DACT3: variants seen among roughly 807,000 people sequenced by gnomAD.
The protein encoded by DACT3 is dapper homolog 3.
DACT3 carries 5 observed loss-of-function variants against 19.6 expected under a neutral mutation model. The ratio of observed to expected loss-of-function variants is 0.26; its 90% CI spans 0.13 to 0.54. DACT3 has a LOEUF of 0.54. DACT3 is among the 20% of genes least tolerant of loss of function. The pLI is 0.95. For synonymous variants in DACT3, 454 were observed against 428.1 expected (o/e 1.06, Z -0.75); for missense variants, 908 against 927.4 (o/e 0.98, Z 0.27).
At chr19:46,652,255 A>G (rs1640415258) in intron 3 of DACT3, 2 of 208,566 alleles carry the variant, frequency 9.6e-6, no homozygotes, top group Non-Finnish European at 1.9e-5. Flanking sequence ...GGGCAGTGGC[A>G]CAATCTTGGC....
In DACT3 at chr19:46,649,501, C is replaced by A; in HGVS notation, c.871G>T (p.Asp291Tyr). 1 of 1,104,390 alleles carries A rather than the reference C, an allele frequency of 9.1e-7. No individual in the cohort carries two copies. The highest frequency in any genetic ancestry group is 4.2e-5 in the South Asian group (1 of 23,632). 68.4% of individuals were successfully genotyped at this position (1,104,390 alleles called of 1,614,324 possible). A position where few individuals can be genotyped will look rare whatever the true frequency, so the allele number is the denominator to read the frequency against. Residue 291 changes from aspartate (D) to tyrosine (Y), a missense_variant, in exon 4 of 4, where the codon GAC becomes TAC. Physicochemically the swap from Asp to Tyr is radical, Grantham distance 160. Transcript: ENST00000391916. ...GCGCTGCCGGGGGACGGAGACGCGT[C>A]GGGCGGCCGCTGGCGCACGCTGTTC... ...RQNSVRQRPP[D>Y]ASPSPGSARP...
intron 1 of DACT3, 119 bp from the exon 2 acceptor site, chr19:46,653,194 G>A: frequency 7.1e-7 from 1 of 1,414,566 alleles, no homozygotes; most frequent in Admixed American, 2.4e-5. Flanking sequence ...CGCTTCAAAG[G>A]ATAAAAGCAG....
chr19:46,651,666 G>A (rs1244384913), intron 3 of DACT3: 2 of 152,472 alleles, frequency 1.3e-5, no homozygotes, highest in Non-Finnish European at 2.9e-5. Context: ...GTGTGTGTGT[G>A]TGTGTGTGTG....
At chr19:46,659,681 C>G (rs554329572) in intron 1 of DACT3, among the ~76,000 whole-genome samples, 1 of 152,176 alleles carries the variant, frequency 6.6e-6, no homozygotes, top group East Asian at 1.9e-4. Flanking sequence ...AGGGGGCGGT[C>G]GAGGTCAGCG....
At chr19:46,655,923 C>CTATA (rs1439197366) in intron 1 of DACT3, among the ~76,000 whole-genome samples, 2 of 109,626 alleles carry the variant, frequency 1.8e-5, no homozygotes, top group South Asian at 2.8e-4. Context: ...CTCTCTCTCT[C>CTATA]TCTATATATA....
chr19:46,651,330 C>T (rs894859973), intron 3 of DACT3: 7 of 152,246 alleles, frequency 4.6e-5, no homozygotes, highest in African/African-American at 1.7e-4. Flanking sequence ...ATCTGCCCGT[C>T]TCGGCCTCCC....
chr19:46,654,399 T>C (rs2053016707), intron 1 of DACT3: 2 of 572,758 alleles, frequency 3.5e-6, no homozygotes, highest in Non-Finnish European at 4.4e-6. Context: ...GGCGGGAGGA[T>C]TGCTTGAGCC....
Position 46,660,819 on chromosome 19 carries a change from C to T in DACT3, c.246G>A (p.Gln82=). The T allele has an allele frequency of 6.7e-7, 1 of 1,502,322 alleles. No individual in the cohort carries two copies. Among genetic ancestry groups the T allele is most frequent in the Non-Finnish European group, 8.8e-7 (1 of 1,131,674 alleles). The allele number at this position is 1,502,322 out of a possible 1,614,324, so 93.1% of individuals were successfully genotyped here. Residue 82 remains glutamine, a synonymous_variant, in exon 1 of 4, where the codon CAG becomes CAA. Coordinates refer to ENST00000391916, the MANE Select transcript of DACT3 (RefSeq NM_145056.3). This position sits in a 1 kb window ranked among gnomAD's most constrained non-coding sequence, Gnocchi z 4.9. ...GGACGGACAGGCAGCCCCTTACCAGCTGCTCCTCCAGGGCCGCTGCGGCCC... is the reference window on the plus strand; with the variant it reads ...GGACGGACAGGCAGCCCCTTACCAGTTGCTCCTCCAGGGCCGCTGCGGCCC... The part of the protein sequence containing the change: ...ARRAAAALEE[Q]LEALPGLVWD...
intron 1 of DACT3, chr19:46,659,194 ACCGCCTCCTC>A: frequency 2.0e-6 from 2 of 984,246 alleles, no homozygotes; most frequent in Non-Finnish European, 2.4e-6. Context: ...CCCGCCTGCC[ACCGCCTCCTC>A]CCTGATGCTG....
At chr19:46,654,972 A>C in intron 1 of DACT3, 2 of 985,364 alleles carry the variant, frequency 2.0e-6, no homozygotes, top group Non-Finnish European at 2.4e-6. Flanking sequence ...CTCACAGTGA[A>C]GTCATCTTTG....
chr19:46,652,574 C>A (rs751565605), intron 3 of DACT3, 86 bp downstream of exon 3: 3 of 1,400,560 alleles, frequency 2.1e-6, no homozygotes. Context: ...GAATTGGAAT[C>A]CAGGCCCGAT....
chr19:46,659,127 G>A (rs1045733654), intron 1 of DACT3: 233 of 985,204 alleles, frequency 2.4e-4, no homozygotes, highest in Non-Finnish European at 2.7e-4. Context: ...GAGGGACCCA[G>A]GAACCCCCAG....
Position 46,660,681 on chromosome 19 carries a change from C to T in DACT3, c.249+135G>A. On this transcript the variant is annotated intron_variant, in intron 1 of 3. Transcript: ENST00000391916. The surrounding 1 kb of genome is among the most constrained non-coding windows in gnomAD (Gnocchi z 4.9). Reference sequence around the variant, plus strand: ...CGGCCCGCCGCCGGAACTCCGGGGTCGCCAGCCCCACCCCCTGTCCTTTCT... The same window carrying T: ...CGGCCCGCCGCCGGAACTCCGGGGTTGCCAGCCCCACCCCCTGTCCTTTCT... 1 of 1,373,978 alleles carries T rather than the reference C, an allele frequency of 7.3e-7. No individual in the cohort carries two copies. Among genetic ancestry groups the T allele is most frequent in the Non-Finnish European group, 9.4e-7 (1 of 1,067,798 alleles). The allele number at this position is 1,373,978 out of a possible 1,614,324, so 85.1% of individuals were successfully genotyped here.
At chr19:46,655,901 G>GTC (rs140521907) in intron 1 of DACT3, among the ~76,000 whole-genome samples, 5,801 of 131,684 alleles carry the variant, frequency 0.044, 416 homozygotes, top group African/African-American at 0.15. Flanking sequence ...GTGAGACCCA[G>GTC]TCTCTCTCTC....
chr19:46,649,892 A>G lies in DACT3; in HGVS notation c.500-20T>C. The G allele has an allele frequency of 1.0e-6, 1 of 963,298 alleles. No individual in the cohort carries two copies. The highest frequency in any genetic ancestry group is 1.4e-6 in the Non-Finnish European group (1 of 735,718). 59.7% of individuals were successfully genotyped at this position (963,298 alleles called of 1,614,324 possible). A position where few individuals can be genotyped will look rare whatever the true frequency, so the allele number is the denominator to read the frequency against. On this transcript the variant is annotated intron_variant, in intron 3 of 3. Coordinates refer to ENST00000391916, the MANE Select transcript of DACT3 (RefSeq NM_145056.3). ...CGTCTCCTAGGGAAGGAAGGCCAAA[A>G]AAAAAAAAAAAAGAGAGAGTGGAGG...
intron 1 of DACT3, among the ~76,000 whole-genome samples, chr19:46,653,454 AG>A (rs1378515879): frequency 1.3e-5 from 2 of 152,144 alleles, no homozygotes; most frequent in African/African-American, 4.8e-5. Context: ...CTGTAAGGAC[AG>A]TTTACTGCTA....
chr19:46,648,749 G>A lies in DACT3; in HGVS notation c.1623C>T (p.Val541=). 2 of 1,579,676 alleles carry A rather than the reference G, an allele frequency of 1.3e-6. No individual in the cohort carries two copies. The highest frequency in any genetic ancestry group is 1.7e-6 in the Non-Finnish European group (2 of 1,168,740). The stretch of plus-strand genomic sequence containing the variant: ...ATTCGCTCTCCCCGTAACCCCCGCC[G>A]ACGCCTCCCGCAGGCCCCCGGCGTC... The part of the protein sequence containing the change: ...PLGRRGPAGG[V]GGGYGESESS... The change falls in exon 4 of 4, where the codon GTC becomes GTT. Residue 541 remains valine, a synonymous_variant. Coordinates refer to ENST00000391916, the MANE Select transcript of DACT3 (RefSeq NM_145056.3). The surrounding 1 kb of genome is among the most constrained non-coding windows in gnomAD (Gnocchi z 5.1).
In DACT3 at chr19:46,648,586, C is replaced by T. The variant is rs775050873; in HGVS notation, c.1786G>A (p.Ala596Thr). The change falls in exon 4 of 4, where the codon GCA becomes ACA. Residue 596 changes from alanine to threonine, a missense_variant. Physicochemically the swap from Ala to Thr is moderately conservative, Grantham distance 58. Transcript: ENST00000391916. The surrounding 1 kb of genome is among the most constrained non-coding windows in gnomAD (Gnocchi z 5.1). Reference sequence around the variant, plus strand: ...TTCACGAAGACTTTGGCGGGGCCTGCGGGCGCCCCTGCACCTGCTCCACCC... The same window carrying T: ...TTCACGAAGACTTTGGCGGGGCCTGTGGGCGCCCCTGCACCTGCTCCACCC... ...SGGGAGAGAP[A>T]GPAKVFVKIK... 25 of 1,613,484 alleles carry T rather than the reference C, an allele frequency of 1.5e-5. 1 individual carries two copies. The South Asian group carries it at 2.0e-4, about 13-fold the overall frequency.
At chr19:46,652,910 C>T (rs1004504747) in intron 2 of DACT3, 69 bp downstream of exon 2, 3 of 1,542,282 alleles carry the variant, frequency 1.9e-6, no homozygotes, top group Non-Finnish European at 2.6e-6. Context: ...ACACAGGGGG[C>T]CTCAGAAATA....
Sources: gnomAD v4.1 joint callset for allele counts (sites outside exome capture counted in the v4.1 genomes callset) on GRCh38, gnomAD v4.1.1 for gene constraint, Gnocchi (gnomAD v3.1) non-coding constraint, MANE v1.5 for transcripts, NCBI Gene and HGNC (gene_info 2026-07-23, HGNC 2026-07-21) for gene names.